MTUS2: variants seen among roughly 807,000 people sequenced by gnomAD.
MTUS2 encodes the protein microtubule associated scaffold protein 2, also known as microtubule-associated tumor suppressor candidate 2.
A neutral mutation model predicts 114.1 loss-of-function variants in MTUS2; 40 were observed. The ratio of observed to expected loss-of-function variants is 0.35; its 90% CI spans 0.27 to 0.46. The LOEUF is 0.46. Among genes scored for constraint, MTUS2 ranks in the 20% least tolerant of loss-of-function variants. The pLI, the probability that MTUS2 is intolerant of heterozygous loss-of-function variation, is 1.00. For synonymous variants in MTUS2, 688 were observed against 672.0 expected (o/e 1.02, Z -0.37); for missense variants, 1,679 against 1,705.4 (o/e 0.98, Z 0.27).
chr13:29,276,340 A>G (rs1396053791), intron 5 of MTUS2, among the ~76,000 whole-genome samples: 1 of 152,196 alleles, frequency 6.6e-6, no homozygotes, highest in Non-Finnish European at 1.5e-5. Context: ...TTTTTCAGTC[A>G]TATATATACC....
intron 2 of MTUS2, among the ~76,000 whole-genome samples, chr13:28,886,777 C>T (rs911175177): frequency 5.3e-5 from 8 of 152,188 alleles, no homozygotes; most frequent in Non-Finnish European, 1.2e-4. Context: ...AAGTACACGA[C>T]GTTTATGGAT....
chr13:29,334,054 G>T (rs1209341105), intron 7 of MTUS2, among the ~76,000 whole-genome samples: 1 of 151,906 alleles, frequency 6.6e-6, no homozygotes, highest in African/African-American at 2.4e-5. Flanking sequence ...CTTTCCATTT[G>T]CTTGGTAAAT....
chr13:29,398,931 T>TC (rs1235057644), intron 8 of MTUS2, among the ~76,000 whole-genome samples: 4 of 151,994 alleles, frequency 2.6e-5, no homozygotes, highest in Non-Finnish European at 5.9e-5. Flanking sequence ...GGGGTCTAGA[T>TC]CCCCAAGAAC....
intron 2 of MTUS2, among the ~76,000 whole-genome samples, chr13:28,955,733 C>T (rs755482145): frequency 3.9e-5 from 6 of 152,012 alleles, no homozygotes; most frequent in Non-Finnish European, 5.9e-5. Flanking sequence ...TTATCACTCT[C>T]ACATGCCAGA....
At chr13:29,039,766 G>A (rs529682223) in intron 4 of MTUS2, among the ~76,000 whole-genome samples, 11 of 152,334 alleles carry the variant, frequency 7.2e-5, no homozygotes, top group African/African-American at 2.6e-4. Context: ...TAAAGGTGAT[G>A]TGTGTTTCAT....
At chr13:28,983,128 G>C (rs1252612505) in intron 2 of MTUS2, among the ~76,000 whole-genome samples, 1 of 152,200 alleles carries the variant, frequency 6.6e-6, no homozygotes, top group Non-Finnish European at 1.5e-5. Context: ...ATCCGAGGCA[G>C]GGTGGCTGTC....
At chr13:29,213,466 G>T (rs558801388) in intron 5 of MTUS2, among the ~76,000 whole-genome samples, 1 of 152,292 alleles carries the variant, frequency 6.6e-6, no homozygotes, top group Non-Finnish European at 1.5e-5. Context: ...TTGCAGACTT[G>T]TCTATTTCCT....
At chr13:29,394,812 A>G (rs1873781710) in intron 8 of MTUS2, among the ~76,000 whole-genome samples, 1 of 152,146 alleles carries the variant, frequency 6.6e-6, no homozygotes, top group Non-Finnish European at 1.5e-5. Flanking sequence ...TCTCATAGGA[A>G]CACAAACCCT....
intron 5 of MTUS2, among the ~76,000 whole-genome samples, chr13:29,251,449 C>T (rs934815644): frequency 1.3e-5 from 2 of 152,108 alleles, no homozygotes; most frequent in African/African-American, 4.8e-5. Context: ...TCACACCAAC[C>T]TAATAAGTGT....
rs778866602 is a variant in MTUS2 at position 29,371,984 on chromosome 13, C to CT, written c.3117+12511_3117+12512insT. 3.1e-5 allele frequency among the ~76,000 whole-genome samples: 3 copies of CT among 96,858 alleles called. 1 individual carries two copies. The highest frequency in any genetic ancestry group is 5.1e-4 in the South Asian group (1 of 1,976). 63.5% of individuals were successfully genotyped at this position (96,858 alleles called of 152,430 possible). A position where few individuals can be genotyped will look rare whatever the true frequency, so the allele number is the denominator to read the frequency against. ...AAGTGTCCTCAACCCCCGCCCCCCC[C>CT]CCCACACACACACACAAGCACAAAA... On this transcript the variant is annotated intron_variant, in intron 8 of 15. Transcript: ENST00000612955.
intron 6 of MTUS2, among the ~76,000 whole-genome samples, chr13:29,309,573 C>A (rs528363456): frequency 2.6e-5 from 4 of 152,082 alleles, no homozygotes; most frequent in African/African-American, 9.7e-5. Flanking sequence ...TGCACATGTA[C>A]TCCTGAACTT....
chr13:28,851,714 T>A (rs1876280451), intron 2 of MTUS2, among the ~76,000 whole-genome samples: 1 of 151,954 alleles, frequency 6.6e-6, no homozygotes, highest in Admixed American at 6.6e-5. Flanking sequence ...GAGAGATGAA[T>A]GTGTATGTTG....
intron 9 of MTUS2, among the ~76,000 whole-genome samples, chr13:29,465,742 G>A (rs1408451582): frequency 6.6e-6 from 1 of 152,176 alleles, no homozygotes; most frequent in Non-Finnish European, 1.5e-5. Context: ...GAGCCAGCCA[G>A]CCGGCATGCT....
intron 2 of MTUS2, among the ~76,000 whole-genome samples, chr13:28,907,184 T>C (rs1750474203): frequency 6.6e-6 from 1 of 151,308 alleles, no homozygotes; most frequent in Non-Finnish European, 1.5e-5. Flanking sequence ...ATAAAATACT[T>C]TACAGACAAG....
chr13:29,325,894 A>G (rs1900491340), intron 7 of MTUS2, among the ~76,000 whole-genome samples: 1 of 152,232 alleles, frequency 6.6e-6, no homozygotes, highest in Non-Finnish European at 1.5e-5. Context: ...CCTTGGTTTT[A>G]ACCTAAGCAA....
intron 4 of MTUS2, among the ~76,000 whole-genome samples, chr13:29,094,342 GA>G (rs1393366376): frequency 1.3e-5 from 1 of 79,534 alleles, no homozygotes; most frequent in Non-Finnish European, 3.3e-5. Flanking sequence ...TTCTTTGTGG[GA>G]ATTTTTTTTT....
chr13:29,147,245 C>T (rs1183133971), intron 5 of MTUS2, among the ~76,000 whole-genome samples: 1 of 152,126 alleles, frequency 6.6e-6, no homozygotes, highest in Non-Finnish European at 1.5e-5. Flanking sequence ...CACATCAACT[C>T]CTTTCCTTGG....
intron 4 of MTUS2, among the ~76,000 whole-genome samples, chr13:29,059,529 T>C (rs1205166171): frequency 6.6e-6 from 1 of 152,198 alleles, no homozygotes; most frequent in African/African-American, 2.4e-5. Context: ...GTAGGACTGC[T>C]TGGCTGGAAG....
chr13:29,095,876 G>C (rs1890158061), intron 4 of MTUS2, among the ~76,000 whole-genome samples: 1 of 151,818 alleles, frequency 6.6e-6, no homozygotes, highest in Non-Finnish European at 1.5e-5. Flanking sequence ...TGTCGTCATA[G>C]CTCCTTTACT....
Sources: gnomAD v4.1 joint callset for allele counts (sites outside exome capture counted in the v4.1 genomes callset) on GRCh38, gnomAD v4.1.1 for gene constraint, MANE v1.5 for transcripts, NCBI Gene and HGNC (gene_info 2026-07-23, HGNC 2026-07-21) for gene names.